The following CDH1 variants were observed in gnomAD, a reference collection of about 807,000 sequenced individuals.
CDH1 encodes cadherin 1.
CDH1 carries 35 observed loss-of-function variants against 84.5 expected under a neutral mutation model. The observed-to-expected ratio is 0.41, with a 90% CI of 0.32 to 0.55. The LOEUF (loss-of-function observed/expected upper bound fraction) is 0.55, where lower values mean the gene tolerates loss of function less well. CDH1 is among the 20% of genes least tolerant of loss of function. CDH1 has a pLI of 0.19. For synonymous variants in CDH1, 417 were observed against 439.0 expected (o/e 0.95, Z 0.63); for missense variants, 994 against 1,126.6 (o/e 0.88, Z 1.68).
chr16:68,746,188 G>A (rs1309568901), intron 2 of CDH1, among the ~76,000 whole-genome samples: 1 of 152,318 alleles, frequency 6.6e-6, no homozygotes, highest in African/African-American at 2.4e-5. Context: ...CACTTTGGGA[G>A]GCCAAGGCGG....
intron 2 of CDH1, among the ~76,000 whole-genome samples, chr16:68,756,667 G>A (rs1222590361): frequency 6.6e-6 from 1 of 152,178 alleles, no homozygotes; most frequent in African/African-American, 2.4e-5. Flanking sequence ...AATAGAATTT[G>A]TGGTTGTATT....
At chr16:68,784,995 T>C (rs1960003458) in intron 2 of CDH1, among the ~76,000 whole-genome samples, 1 of 151,970 alleles carries the variant, frequency 6.6e-6, no homozygotes, top group South Asian at 2.1e-4. Context: ...ACTTTATGAA[T>C]AGGTTATATG....
At chr16:68,801,635 C>G (rs775380449) in intron 2 of CDH1, 35 bp from the exon 3 acceptor site, 1 of 1,549,758 alleles carries the variant, frequency 6.5e-7, no homozygotes, top group Non-Finnish European at 8.9e-7. Flanking sequence ...TTTAATCTGT[C>G]CAATTTCCTA....
Position 68,813,388 on chromosome 16 carries a change from A to G in CDH1, c.1213A>G (p.Asn405Asp), listed in dbSNP as rs1336921050. 10 of 1,614,120 alleles carry G rather than the reference A, an allele frequency of 6.2e-6. No individual in the cohort carries two copies. The South Asian group carries it at 9.9e-5, about 16-fold the overall frequency. Residue 405 changes from asparagine (N) to aspartate (D), a missense_variant, in exon 9 of 16, where the codon AAT becomes GAT. Coordinates refer to ENST00000261769, the MANE Select transcript of CDH1 (RefSeq NM_004360.5). ...GAAAGTGACTGATGCTGATGCCCCCAATACCCCAGCGTGGGAGGCTGTATA... is the reference window on the plus strand; with the variant it reads ...GAAAGTGACTGATGCTGATGCCCCCGATACCCCAGCGTGGGAGGCTGTATA... ...TLKVTDADAP[N>D]TPAWEAVYTI...
At chr16:68,772,468 T>C (rs11642761) in intron 2 of CDH1, among the ~76,000 whole-genome samples, 96 of 152,218 alleles carry the variant, frequency 6.3e-4, no homozygotes, top group Non-Finnish European at 9.7e-4. Context: ...CACCAGGCTC[T>C]GTCTACATTC....
rs545380869 is a variant in CDH1, at chr16:68,834,713, A to G, written c.*1214A>G. 18 of 233,974 alleles carry G rather than the reference A, an allele frequency of 7.7e-5. No individual in the cohort carries two copies. The highest frequency in any genetic ancestry group is 2.9e-4 in the African/African-American group (13 of 45,306). The allele number at this position is 233,974 out of a possible 1,614,324, so 14.5% of individuals were successfully genotyped here. ...TCATCTCCTGAGTATGTAACTTGCAATGGGCAGCTATCCAGTGACTTGTTC... is the reference window on the plus strand; with the variant it reads ...TCATCTCCTGAGTATGTAACTTGCAGTGGGCAGCTATCCAGTGACTTGTTC... On this transcript the variant is annotated 3_prime_UTR_variant, in exon 16 of 16. Transcript: ENST00000261769.
intron 10 of CDH1, among the ~76,000 whole-genome samples, chr16:68,817,243 GT>G (rs1295758703): frequency 6.6e-6 from 1 of 152,202 alleles, no homozygotes; most frequent in Non-Finnish European, 1.5e-5. Context: ...AATGGCAATA[GT>G]GCAGTCCACC....
chr16:68,786,539 T>TTTTTTTTC (rs1339537648), intron 2 of CDH1, among the ~76,000 whole-genome samples: 2 of 134,582 alleles, frequency 1.5e-5, no homozygotes, highest in Non-Finnish European at 3.2e-5. Flanking sequence ...TTTTTCTTTT[T>TTTTTTTTC]TTTTTTTTTT....
chr16:68,810,150 T>G (rs2152130924), intron 5 of CDH1, 47 bp from the exon 6 acceptor site: 2 of 1,611,842 alleles, frequency 1.2e-6, no homozygotes, highest in Non-Finnish European at 1.7e-6. Context: ...TTCTCCCATG[T>G]TTTCTTCCTC....
intron 15 of CDH1, among the ~76,000 whole-genome samples, chr16:68,831,917 A>G (rs1238605510): frequency 6.6e-6 from 1 of 152,120 alleles, no homozygotes; most frequent in African/African-American, 2.4e-5. Context: ...TTGTATTTGC[A>G]GTTTTTATTT....
intron 2 of CDH1, among the ~76,000 whole-genome samples, chr16:68,754,478 G>A (rs1962971149): frequency 6.6e-6 from 1 of 152,224 alleles, no homozygotes; most frequent in African/African-American, 2.4e-5. Context: ...GTATTGAGCG[G>A]TGCTTTCTGT....
rs55899466 is a variant in CDH1 at position 68,762,912 on chromosome 16, C to CAA, written c.163+24531_163+24532dup. Among the ~76,000 whole-genome samples the CAA allele has an allele frequency of 3.9e-3, 242 of 61,478 alleles. 10 individuals carry two copies. Among genetic ancestry groups the CAA allele is most frequent in the Non-Finnish European group, 5.5e-3 (205 of 37,138 alleles). The allele number at this position is 61,478 out of a possible 152,430, so 40.3% of individuals were successfully genotyped here. On this transcript the variant is annotated intron_variant, in intron 2 of 15. Coordinates refer to ENST00000261769, the MANE Select transcript of CDH1 (RefSeq NM_004360.5). Reference sequence around the variant, plus strand: ...TCGGCAACAGAGCAAGATTCCGTCTCAAAAAAAAAAAAAAAAAAAAAAAAA... The same window carrying CAA: ...TCGGCAACAGAGCAAGATTCCGTCTCAAAAAAAAAAAAAAAAAAAAAAAAAAA...
chr16:68,770,370 G>A lies in CDH1; in HGVS notation c.164-31300G>A, dbSNP rs139181897. 1.6e-3 allele frequency among the ~76,000 whole-genome samples: 243 copies of A among 152,106 alleles called. 1 individual carries two copies. The highest frequency in any genetic ancestry group is 5.6e-3 in the African/African-American group (231 of 41,496). ...TCTCTTGTGTCCCATCCCCACTCCC[G>A]GAGCCCAAAGCTCAGTCCGCAGCAC... On this transcript the variant is annotated intron_variant, in intron 2 of 15. Transcript: ENST00000261769.
intron 11 of CDH1, among the ~76,000 whole-genome samples, 169 bp downstream of exon 11, chr16:68,819,594 A>G (rs1961086336): frequency 6.6e-6 from 1 of 152,170 alleles, no homozygotes; most frequent in East Asian, 1.9e-4. Flanking sequence ...TGTTACATGC[A>G]TAGATGTGTA....
intron 13 of CDH1, among the ~76,000 whole-genome samples, chr16:68,827,895 C>T (rs1961362737): frequency 6.6e-6 from 1 of 152,168 alleles, no homozygotes; most frequent in Non-Finnish European, 1.5e-5. Flanking sequence ...AACACTTTCC[C>T]CCAGATTTGG....
rs141298048 is a variant in CDH1 at position 68,777,766 on chromosome 16, C to G, written c.164-23904C>G. ...ATTATTTTTGAGATGGGGTCTCACT[C>G]TGTTGCCCAGGCTGGAGTGCAGTGG... On this transcript the variant is annotated intron_variant, in intron 2 of 15. Transcript: ENST00000261769. Among the ~76,000 whole-genome samples, 177 of 152,200 alleles carry G rather than the reference C, an allele frequency of 1.2e-3. 1 individual carries two copies. The highest frequency in any genetic ancestry group is 3.9e-3 in the African/African-American group (163 of 41,530).
In CDH1 at chr16:68,819,403, C is replaced by A. The variant is rs587780786; in HGVS notation, c.1689C>A (p.Ala563=). 6 of 1,613,676 alleles carry A rather than the reference C, an allele frequency of 3.7e-6. No homozygotes were observed. The highest frequency in any genetic ancestry group is 5.1e-6 in the Non-Finnish European group (6 of 1,180,024). ...FEHVKNSTYT[A]LIIATDNGSP... is the part of the protein sequence containing the mutation. ...ACGTGAAGAACAGCACGTACACAGC[C>A]CTAATCATAGCTACAGACAATGGTA... Residue 563 remains alanine, a synonymous_variant, in exon 11 of 16, where the codon GCC becomes GCA. Coordinates refer to ENST00000261769, the MANE Select transcript of CDH1 (RefSeq NM_004360.5).
intron 2 of CDH1, among the ~76,000 whole-genome samples, chr16:68,747,440 G>C (rs918648630): frequency 6.6e-6 from 1 of 151,942 alleles, no homozygotes; most frequent in African/African-American, 2.4e-5. Context: ...TTATTCACCC[G>C]GTTAAAAAAT....
intron 2 of CDH1, among the ~76,000 whole-genome samples, chr16:68,756,683 T>C (rs1963026354): frequency 6.6e-6 from 1 of 152,208 alleles, no homozygotes; most frequent in South Asian, 2.1e-4. Flanking sequence ...GTATTTCTTG[T>C]AACTTTTGCC....
Sources: gnomAD v4.1 joint callset for allele counts (sites outside exome capture counted in the v4.1 genomes callset) on GRCh38, gnomAD v4.1.1 for gene constraint, MANE v1.5 for transcripts, NCBI Gene and HGNC (gene_info 2026-07-23, HGNC 2026-07-21) for gene names.